The following DOCK2 variants were observed in gnomAD, a reference collection of about 807,000 sequenced individuals.
DOCK2 encodes the protein dedicator of cytokinesis protein 2.
DOCK2 carries 87 observed loss-of-function variants against 248.9 expected under a neutral mutation model. That is an observed-to-expected ratio of 0.35 (90% CI 0.29 to 0.42). The LOEUF (loss-of-function observed/expected upper bound fraction) is 0.42, where lower values mean the gene tolerates loss of function less well. DOCK2 is among the 10% of genes least tolerant of loss of function. DOCK2 has a pLI of 1.00. For synonymous variants in DOCK2, 805 were observed against 821.6 expected (o/e 0.98, Z 0.35); for missense variants, 1,747 against 2,300.2 (o/e 0.76, Z 4.92).
chr5:169,708,072 G>T, intron 14 of DOCK2, 97 bp from the exon 15 acceptor site: 1 of 1,276,584 alleles, frequency 7.8e-7, no homozygotes. Flanking sequence ...GTTGGCCCAG[G>T]CCCTAAGGCT....
intron 2 of DOCK2, among the ~76,000 whole-genome samples, chr5:169,662,712 C>G (rs1554085549): frequency 1.3e-5 from 2 of 152,176 alleles, no homozygotes; most frequent in Non-Finnish European, 2.9e-5. Context: ...CGTGAGAACT[C>G]ACTTACTATC....
chr5:169,639,974 T>C (rs1336857699), intron 1 of DOCK2, among the ~76,000 whole-genome samples: 1 of 152,222 alleles, frequency 6.6e-6, no homozygotes, highest in African/African-American at 2.4e-5. Context: ...GGTTGGCTTG[T>C]CTCATGGCCT....
intron 15 of DOCK2, 102 bp from the exon 16 acceptor site, chr5:169,711,833 C>G: frequency 8.1e-7 from 1 of 1,235,994 alleles, no homozygotes; most frequent in East Asian, 2.3e-5. Context: ...GCAGGCAGCT[C>G]TCTCAGTTAA....
chr5:169,953,063 C>T (rs999165833), intron 27 of DOCK2, among the ~76,000 whole-genome samples: 1 of 152,152 alleles, frequency 6.6e-6, no homozygotes, highest in South Asian at 2.1e-4. Context: ...GTGGCTCATA[C>T]CTGTAATCCC....
intron 20 of DOCK2, 140 bp from the exon 21 acceptor site, chr5:169,717,244 C>A: frequency 1.5e-6 from 1 of 648,766 alleles, no homozygotes; most frequent in Non-Finnish European, 2.7e-6. Flanking sequence ...AAGATGCTAC[C>A]TTAATAAAGA....
rs1171325478 is a variant in DOCK2 at position 169,670,438 on chromosome 5, G to A, written c.169-104G>A. 4.6e-6 allele frequency: 6 copies of A among 1,316,508 alleles called. No individual in the cohort carries two copies. In the East Asian group the frequency reaches 1.5e-4, roughly 33 times the overall value. 81.6% of individuals were successfully genotyped at this position (1,316,508 alleles called of 1,614,324 possible). A position where few individuals can be genotyped will look rare whatever the true frequency, so the allele number is the denominator to read the frequency against. The stretch of plus-strand genomic sequence containing the variant: ...CCTTTAAAGTCTGGGGATTTTATAA[G>A]CCAGTAGCTTTTGGAAAAAAATTAT... On this transcript the variant is annotated intron_variant, in intron 3 of 51. Coordinates refer to ENST00000520908, the MANE Select transcript of DOCK2 (RefSeq NM_004946.3).
At chr5:169,785,205 T>G (rs1230805189) in intron 25 of DOCK2, among the ~76,000 whole-genome samples, 2 of 152,240 alleles carry the variant, frequency 1.3e-5, no homozygotes, top group African/African-American at 4.8e-5. Context: ...GGAGGTAGTT[T>G]TGTTTATATT....
intron 5 of DOCK2, 131 bp downstream of exon 5, chr5:169,671,305 C>A (rs924517418): frequency 4.4e-6 from 3 of 687,234 alleles, no homozygotes; most frequent in Non-Finnish European, 7.4e-6. Flanking sequence ...CACACTATTA[C>A]GTGTGAGGAC....
intron 13 of DOCK2, 161 bp from the exon 14 acceptor site, chr5:169,702,142 C>G: frequency 6.5e-6 from 5 of 763,846 alleles, no homozygotes; most frequent in Non-Finnish European, 9.6e-6. Flanking sequence ...CTTCTCCAGC[C>G]TCCCTGATGA....
chr5:170,082,849 G>T lies in DOCK2; in HGVS notation c.5484G>T (p.Thr1828=). Residue 1828 remains threonine, a synonymous_variant, in exon 52 of 52, where the codon ACG becomes ACT. Coordinates refer to ENST00000520908, the MANE Select transcript of DOCK2 (RefSeq NM_004946.3). ...EGKQIPDSLS[T]DL is the part of the protein sequence containing the mutation. ...AACAGATCCCAGACTCGCTGTCCAC[G>T]GACCTGTGAGCTGCTGCTGACTAGG... is the stretch of plus-strand genomic sequence containing the variant. The T allele has an allele frequency of 6.2e-7, 1 of 1,614,162 alleles. No homozygotes were observed. Among genetic ancestry groups the T allele is most frequent in the Admixed American group, 1.7e-5 (1 of 60,024 alleles).
rs1391793175 is a variant in DOCK2 at position 169,740,125 on chromosome 5, G to A, written c.2268-7271G>A. 4.6e-5 allele frequency among the ~76,000 whole-genome samples: 7 copies of A among 152,316 alleles called. 1 individual carries two copies. In the East Asian group the frequency reaches 1.3e-3, roughly 29 times the overall value. On this transcript the variant is annotated intron_variant, in intron 22 of 51. Transcript: ENST00000520908. Reference sequence around the variant, plus strand: ...CTGAATAGAATGAAGGATGGCATGGGCACACATCACACACTGTTCATAACT... The same window carrying A: ...CTGAATAGAATGAAGGATGGCATGGACACACATCACACACTGTTCATAACT...
At position 169,698,468 on chromosome 5, in the gene DOCK2, C is replaced by T; in HGVS notation, c.1055+19C>T. ...TTCACCCGTAAGACATTTCCCATTT[C>T]TTTCCATTCTCTTCAACCACACCCT... On this transcript the variant is annotated intron_variant, in intron 11 of 51. Coordinates refer to ENST00000520908, the MANE Select transcript of DOCK2 (RefSeq NM_004946.3). 2 of 1,613,352 alleles carry T rather than the reference C, an allele frequency of 1.2e-6. No homozygotes were observed. The highest frequency in any genetic ancestry group is 1.7e-6 in the Non-Finnish European group (2 of 1,179,350).
intron 27 of DOCK2, among the ~76,000 whole-genome samples, chr5:169,868,396 T>C (rs1182793919): frequency 6.6e-6 from 1 of 152,250 alleles, no homozygotes; most frequent in East Asian, 1.9e-4. Context: ...GACTTCATAA[T>C]TCAAATAAAC....
chr5:169,956,039 G>GAAAAA (rs577395351), intron 27 of DOCK2, among the ~76,000 whole-genome samples: 35 of 132,906 alleles, frequency 2.6e-4, no homozygotes, highest in Middle Eastern at 3.9e-3. Flanking sequence ...ACATAGATTT[G>GAAAAA]AAAAAAAAAA....
chr5:169,961,551 A>G (rs1581475170), intron 27 of DOCK2, among the ~76,000 whole-genome samples: 1 of 152,334 alleles, frequency 6.6e-6, no homozygotes, highest in East Asian at 1.9e-4. Flanking sequence ...ATGGTGGACT[A>G]AGCAGACATT....
chr5:169,937,654 A>C (rs968034258), intron 27 of DOCK2, among the ~76,000 whole-genome samples: 23 of 152,214 alleles, frequency 1.5e-4, no homozygotes, highest in African/African-American at 5.3e-4. Flanking sequence ...TTTTAATTTT[A>C]CAAATGGATA....
At chr5:169,984,402 G>GACC (rs1280717041) in intron 28 of DOCK2, among the ~76,000 whole-genome samples, 1 of 152,128 alleles carries the variant, frequency 6.6e-6, no homozygotes, top group Non-Finnish European at 1.5e-5. Flanking sequence ...ATTTGTAGGA[G>GACC]ACCAGGCTCT....
intron 6 of DOCK2, 162 bp from the exon 7 acceptor site, chr5:169,681,582 C>A: frequency 1.3e-6 from 1 of 795,162 alleles, no homozygotes; most frequent in Non-Finnish European, 2.0e-6. Flanking sequence ...GTCTACTATA[C>A]CAATATGTGC....
intron 47 of DOCK2, 136 bp downstream of exon 47, chr5:170,076,220 T>C (rs1757834436): frequency 2.3e-6 from 3 of 1,325,156 alleles, no homozygotes; most frequent in Non-Finnish European, 3.1e-6. Context: ...CCAGCATTGC[T>C]GGATCCCATC....
Sources: allele counts gnomAD v4.1 joint callset (sites outside exome capture counted in the v4.1 genomes callset), GRCh38; gene constraint gnomAD v4.1.1; transcripts MANE v1.5; gene names NCBI Gene and HGNC (gene_info 2026-07-23, HGNC 2026-07-21).